EFHB: variants seen among roughly 807,000 people sequenced by gnomAD.
EFHB encodes EF-hand domain family member B, also known as EF-hand domain-containing family member B.
EFHB carries 91 observed loss-of-function variants against 87.2 expected under a neutral mutation model. The ratio of observed to expected loss-of-function variants is 1.04; its 90% CI spans 0.88 to 1.24. EFHB has a LOEUF of 1.24. EFHB is among the 50% of genes most tolerant of loss of function. EFHB has a pLI of 0.00. For synonymous variants in EFHB, 325 were observed against 333.6 expected (o/e 0.97, Z 0.28); for missense variants, 1,084 against 998.8 (o/e 1.09, Z -1.15).
chr3:19,912,401 A>G (rs1246926544), intron 5 of EFHB, among the ~76,000 whole-genome samples: 2 of 151,818 alleles, frequency 1.3e-5, no homozygotes, highest in African/African-American at 2.4e-5. Context: ...TCACAGGCCA[A>G]AAAAAAAGCA....
chr3:19,930,747 C>T (rs1208336587), intron 1 of EFHB, among the ~76,000 whole-genome samples: 3 of 152,168 alleles, frequency 2.0e-5, no homozygotes, highest in African/African-American at 4.8e-5. Context: ...GGACTACAGG[C>T]ACATACTACC....
At chr3:19,914,533 C>G (rs78037019) in intron 5 of EFHB, among the ~76,000 whole-genome samples, 1 of 151,976 alleles carries the variant, frequency 6.6e-6, no homozygotes, top group African/African-American at 2.4e-5. Flanking sequence ...AAGACAAGAT[C>G]GCTAATAATA....
At chr3:19,888,395 T>C (rs952859371) in intron 10 of EFHB, 49 bp downstream of exon 10, 90 of 1,101,842 alleles carry the variant, frequency 8.2e-5, no homozygotes, top group Non-Finnish European at 1.0e-4. Context: ...ATAATAAATT[T>C]TAAAATTTAA....
intron 9 of EFHB, among the ~76,000 whole-genome samples, chr3:19,894,061 C>T (rs1694392025): frequency 6.6e-6 from 1 of 152,162 alleles, no homozygotes; most frequent in Non-Finnish European, 1.5e-5. Flanking sequence ...TTGCTAAGAA[C>T]ATCTGTCATG....
Position 19,933,295 on chromosome 3 carries a change from G to T in EFHB, c.724C>A (p.Pro242Thr). 1.2e-6 allele frequency: 2 copies of T among 1,613,982 alleles called. No homozygotes were observed. Among genetic ancestry groups the T allele is most frequent in the Non-Finnish European group, 1.7e-6 (2 of 1,179,894 alleles). Reference protein sequence around the residue: ...EAGNIESGVEPPDRIRPIYSG... With the variant: ...EAGNIESGVETPDRIRPIYSG... ...TATATGGGTCTGATGCGATCTGGAGGTTCCACTCCTGATTCAATGTTTCCA... is the reference window on the plus strand; with the variant it reads ...TATATGGGTCTGATGCGATCTGGAGTTTCCACTCCTGATTCAATGTTTCCA... The change falls in exon 1 of 13, where the codon CCT (proline) becomes ACT (threonine). Residue 242 changes from proline (P) to threonine (T), a missense_variant. Pro to Thr is a conservative substitution (Grantham distance 38, BLOSUM62 -1). Coordinates refer to ENST00000295824, the MANE Select transcript of EFHB (RefSeq NM_144715.4).
rs890503002 is a variant in EFHB, at chr3:19,882,468, A to C, written c.2328+82T>G. 7 of 1,277,522 alleles carry C rather than the reference A, an allele frequency of 5.5e-6. No individual in the cohort carries two copies. The African/African-American group carries it at 7.5e-5, about 14-fold the overall frequency. The allele number at this position is 1,277,522 out of a possible 1,614,324, so 79.1% of individuals were successfully genotyped here. A position where few individuals can be genotyped will look rare whatever the true frequency, so the allele number is the denominator to read the frequency against. ...GGATCCTGTAGACTTTTGTAAATATAAAAATTCAAGTTTTTAAAATTCTAA... is the reference window on the plus strand; with the variant it reads ...GGATCCTGTAGACTTTTGTAAATATCAAAATTCAAGTTTTTAAAATTCTAA... On this transcript the variant is annotated intron_variant, in intron 12 of 12. Transcript: ENST00000295824.
At chr3:19,902,103 G>A (rs1033181055) in intron 6 of EFHB, among the ~76,000 whole-genome samples, 1 of 152,202 alleles carries the variant, frequency 6.6e-6, no homozygotes, top group Non-Finnish European at 1.5e-5. Context: ...GGGCAACCAT[G>A]TATGTCAGAA....
At chr3:19,914,995 G>C (rs922350070) in intron 5 of EFHB, among the ~76,000 whole-genome samples, 4 of 151,968 alleles carry the variant, frequency 2.6e-5, no homozygotes, top group African/African-American at 4.8e-5. Flanking sequence ...AGGAGGCTAA[G>C]GTGGAAGGAT....
chr3:19,900,070 C>T (rs1352783455), intron 6 of EFHB, among the ~76,000 whole-genome samples: 1 of 151,714 alleles, frequency 6.6e-6, no homozygotes, highest in Admixed American at 6.6e-5. Flanking sequence ...GAGACCCTGT[C>T]TCAAAAAAAT....
intron 1 of EFHB, 50 bp downstream of exon 1, chr3:19,933,180 G>T: frequency 6.6e-7 from 1 of 1,526,086 alleles, no homozygotes; most frequent in Non-Finnish European, 8.8e-7. Context: ...TCTCAATAAA[G>T]ACATGGCTAT....
chr3:19,899,794 C>T (rs1231524773), intron 6 of EFHB, among the ~76,000 whole-genome samples: 2 of 152,098 alleles, frequency 1.3e-5, no homozygotes, highest in Non-Finnish European at 2.9e-5. Flanking sequence ...AGCTCCTGGC[C>T]GGGCACAGTG....
At chr3:19,902,649 G>A (rs1694711626) in intron 6 of EFHB, among the ~76,000 whole-genome samples, 1 of 151,982 alleles carries the variant, frequency 6.6e-6, no homozygotes, top group African/African-American at 2.4e-5. Context: ...ACCATGCCCA[G>A]CCAATAGAGA....
At chr3:19,918,459 A>G (rs1695315209) in intron 3 of EFHB, 47 bp from the exon 4 acceptor site, 1 of 1,495,152 alleles carries the variant, frequency 6.7e-7, no homozygotes, top group African/African-American at 1.4e-5. Flanking sequence ...AAAAAGTATA[A>G]ATCTGAAAAT....
chr3:19,886,405 GTAAATATCTTTT>G (rs1185284505), intron 10 of EFHB, among the ~76,000 whole-genome samples: 1 of 152,128 alleles, frequency 6.6e-6, no homozygotes, highest in African/African-American at 2.4e-5. Context: ...AAATAAAAAT[GTAAATATCTTTT>G]TAAAAAGCTG....
rs1367318839 is a variant in EFHB, at chr3:19,879,757, T to G, written c.2376A>C (p.Glu792Asp). The G allele has an allele frequency of 1.2e-6, 2 of 1,609,426 alleles. No individual in the cohort carries two copies. Among genetic ancestry groups the G allele is most frequent in the Admixed American group, 3.4e-5 (2 of 58,396 alleles). Residue 792 changes from glutamate (E) to aspartate (D), a missense_variant, in exon 13 of 13, where the codon GAA becomes GAC. Transcript: ENST00000295824. The part of the protein sequence containing the change: ...CNIGVKLSDE[E>D]FENVWNLASK... Reference sequence around the variant, plus strand: ...ATGCAAGATTCCATACATTTTCAAATTCTTCATCAGACAGTTTGACACCAA... The same window carrying G: ...ATGCAAGATTCCATACATTTTCAAAGTCTTCATCAGACAGTTTGACACCAA...
chr3:19,905,734 C>T lies in EFHB; in HGVS notation c.1304G>A (p.Arg435Gln), dbSNP rs142412525. 59 of 1,608,824 alleles carry T rather than the reference C, an allele frequency of 3.7e-5. No homozygotes were observed. The highest frequency in any genetic ancestry group is 1.8e-4 in the South Asian group (16 of 90,358). ...ATGGAAACTTGATGGGTTATACTTT[C>T]GGTTCTTTGCCTCTCCTGTGGAAAA... ...NDYYAGEAKNRKYNPSSFHRC... is the reference protein window; with the variant it reads ...NDYYAGEAKNQKYNPSSFHRC... Residue 435 changes from arginine (R) to glutamine (Q), a missense_variant, in exon 6 of 13, where the codon CGA (arginine) becomes CAA (glutamine). Arg to Gln is a conservative substitution (Grantham distance 43, BLOSUM62 1). Coordinates refer to ENST00000295824, the MANE Select transcript of EFHB (RefSeq NM_144715.4).
chr3:19,908,877 G>A (rs1006015566), intron 5 of EFHB, among the ~76,000 whole-genome samples: 4 of 152,022 alleles, frequency 2.6e-5, no homozygotes, highest in Admixed American at 6.5e-5. Context: ...CTCCCTAAAA[G>A]CATGGAGAGT....
At chr3:19,881,300 G>C (rs2071670691) in intron 12 of EFHB, among the ~76,000 whole-genome samples, 1 of 152,190 alleles carries the variant, frequency 6.6e-6, no homozygotes, top group African/African-American at 2.4e-5. Context: ...CTTTGCTCCA[G>C]TGGTTTGGCA....
At chr3:19,885,143 A>G (rs1694052637) in intron 10 of EFHB, among the ~76,000 whole-genome samples, 1 of 151,814 alleles carries the variant, frequency 6.6e-6, no homozygotes, top group African/African-American at 2.4e-5. Flanking sequence ...AATCACTTGA[A>G]TCAGGGAGGC....
Sources: gnomAD v4.1 joint callset for allele counts (sites outside exome capture counted in the v4.1 genomes callset) on GRCh38, gnomAD v4.1.1 for gene constraint, MANE v1.5 for transcripts, NCBI Gene and HGNC (gene_info 2026-07-23, HGNC 2026-07-21) for gene names.